Variants in ESRRG observed in about 807,000 individuals in gnomAD.
ESRRG encodes estrogen related receptor gamma.
A neutral mutation model predicts 44.0 loss-of-function variants in ESRRG; 13 were observed. The ratio of observed to expected loss-of-function variants is 0.30; its 90% CI spans 0.19 to 0.47. ESRRG has a LOEUF of 0.47. Among genes scored for constraint, ESRRG ranks in the 20% least tolerant of loss-of-function variants. The probability of loss-of-function intolerance (pLI) is 1.00; values close to 1 mark genes in which losing one functional copy is unlikely to be tolerated. For synonymous variants in ESRRG, 215 were observed against 214.6 expected, an observed-to-expected ratio of 1.00 and a Z score of -0.02; for missense variants, 395 against 580.6, an observed-to-expected ratio of 0.68 and a Z score of 3.29.
intron 1 of ESRRG, among the ~76,000 whole-genome samples, chr1:216,702,544 C>G (rs1245584394): frequency 4.7e-5 from 7 of 149,940 alleles, no homozygotes; most frequent in Non-Finnish European, 1.0e-4. Flanking sequence ...GGGTGGATCA[C>G]TTGAGGTCAG....
chr1:216,885,901 G>T (rs920287044), intron 2 of ESRRG, among the ~76,000 whole-genome samples: 3 of 151,186 alleles, frequency 2.0e-5, no homozygotes, highest in African/African-American at 7.3e-5. Context: ...ACCACTACTC[G>T]TTAAGGCCAA....
At chr1:217,125,493 T>G (rs1202442583) in intron 1 of ESRRG, among the ~76,000 whole-genome samples, 1 of 152,232 alleles carries the variant, frequency 6.6e-6, no homozygotes, top group African/African-American at 2.4e-5. Context: ...CTCCATAGAT[T>G]GTGAGTTGGT....
intron 3 of ESRRG, among the ~76,000 whole-genome samples, chr1:216,591,528 A>G (rs949048542): frequency 6.6e-6 from 1 of 152,208 alleles, no homozygotes; most frequent in African/African-American, 2.4e-5. Flanking sequence ...AAAACATTCA[A>G]AAACAATAAC....
At chr1:216,693,909 G>A (rs1398433847) in intron 1 of ESRRG, among the ~76,000 whole-genome samples, 2 of 152,194 alleles carry the variant, frequency 1.3e-5, no homozygotes, top group Non-Finnish European at 2.9e-5. Context: ...AAAAAAAGTT[G>A]TGGACTTTAA....
At chr1:216,899,701 C>G (rs372670909) in intron 2 of ESRRG, among the ~76,000 whole-genome samples, 1 of 152,140 alleles carries the variant, frequency 6.6e-6, no homozygotes, top group Non-Finnish European at 1.5e-5. Flanking sequence ...AGATCTCACA[C>G]GGCACATACA....
intron 2 of ESRRG, chr1:216,863,245 A>G (rs1359204975): frequency 6.6e-6 from 1 of 152,170 alleles, no homozygotes; most frequent in Non-Finnish European, 1.5e-5. Flanking sequence ...CCACACTTTT[A>G]GAATCACTGA....
intron 1 of ESRRG, among the ~76,000 whole-genome samples, chr1:216,949,866 G>T (rs1560227009): frequency 6.6e-6 from 1 of 150,422 alleles, no homozygotes; most frequent in Non-Finnish European, 1.5e-5. Context: ...AGGCTGGAGT[G>T]CAGTGGTGCC....
At chr1:216,606,481 G>A (rs772220564) in intron 3 of ESRRG, among the ~76,000 whole-genome samples, 4 of 152,108 alleles carry the variant, frequency 2.6e-5, no homozygotes, top group Non-Finnish European at 5.9e-5. Flanking sequence ...AAATTGGCCA[G>A]AGATTAAATC....
chr1:216,956,232 G>A (rs971854342), intron 1 of ESRRG, among the ~76,000 whole-genome samples: 1 of 151,552 alleles, frequency 6.6e-6, no homozygotes, highest in African/African-American at 2.4e-5. Context: ...GCGAGGGATA[G>A]GGATACAGTT....
At position 217,126,524 on chromosome 1, in the gene ESRRG, C is replaced by A. The variant is rs2102518906; in HGVS notation, c.-230+11143G>T. ...CCATGTTTATGGAAATATTGTTGGC[C>A]AAATCATGGTGAGGGTCAAGCTATA... On this transcript the variant is annotated intron_variant, in intron 1 of 8. Transcript: ENST00000366940. 2.0e-5 allele frequency among the ~76,000 whole-genome samples: 3 copies of A among 152,054 alleles called. No homozygotes were observed. The Middle Eastern group carries it at 0.01, about 517-fold the overall frequency.
At position 216,692,556 on chromosome 1, in the gene ESRRG, C is replaced by T. The variant is rs79379444; in HGVS notation, c.57-15065G>A. Among the ~76,000 whole-genome samples the T allele has an allele frequency of 9.5e-3, 1,451 of 152,084 alleles. 19 individuals carry two copies. Among genetic ancestry groups the T allele is most frequent in the African/African-American group, 0.033 (1,373 of 41,472 alleles). ...TTACAGTAAGCTAGGGCTAATTTAC[C>T]AGTGAACAAAGAAAATTTTTAAATA... On this transcript the variant is annotated intron_variant, in intron 1 of 6. Transcript: ENST00000408911.
intron 1 of ESRRG, among the ~76,000 whole-genome samples, chr1:216,704,620 TA>T (rs886225061): frequency 1.3e-5 from 2 of 151,652 alleles, no homozygotes; most frequent in African/African-American, 2.4e-5. Context: ...GAGGAAATAT[TA>T]AAAAAAAATT....
chr1:217,018,285 T>C (rs1283987264), intron 1 of ESRRG, among the ~76,000 whole-genome samples: 1 of 152,116 alleles, frequency 6.6e-6, no homozygotes, highest in Non-Finnish European at 1.5e-5. Context: ...AGGACAAGTT[T>C]TCAAGCATAA....
At chr1:216,974,458 G>T (rs2072435614) in intron 1 of ESRRG, among the ~76,000 whole-genome samples, 1 of 151,904 alleles carries the variant, frequency 6.6e-6, no homozygotes, top group Non-Finnish European at 1.5e-5. Context: ...TTCCAAAGGG[G>T]AAAAAAATAG....
chr1:216,513,675 T>G (rs2148822208), intron 6 of ESRRG, among the ~76,000 whole-genome samples: 1 of 152,272 alleles, frequency 6.6e-6, no homozygotes, highest in Middle Eastern at 3.4e-3. Flanking sequence ...AAGTCCCAAA[T>G]TACTATTAAT....
intron 2 of ESRRG, among the ~76,000 whole-genome samples, chr1:216,658,513 T>C (rs564650316): frequency 6.6e-6 from 1 of 151,834 alleles, no homozygotes; most frequent in East Asian, 1.9e-4. Context: ...GAGGAATGTG[T>C]GATAGGAGGG....
At chr1:216,724,795 A>G (rs1487715341), upstream of ESRRG, among the ~76,000 whole-genome samples, 1 of 152,178 alleles carries the variant, frequency 6.6e-6, no homozygotes, top group African/African-American at 2.4e-5. Context: ...ATTTTAATCT[A>G]CAGGATTTTT....
chr1:216,628,254 C>T (rs1326222621), intron 3 of ESRRG, among the ~76,000 whole-genome samples: 1 of 152,084 alleles, frequency 6.6e-6, no homozygotes, highest in African/African-American at 2.4e-5. Context: ...TTTATTTGTT[C>T]ATCCATTCAT....
intron 1 of ESRRG, among the ~76,000 whole-genome samples, chr1:217,098,213 C>T (rs2092453530): frequency 6.6e-6 from 1 of 152,080 alleles, no homozygotes; most frequent in Non-Finnish European, 1.5e-5. Flanking sequence ...TTCAACCCTC[C>T]ATCAGCAAGC....
Sources: gnomAD v4.1 joint callset for allele counts (sites outside exome capture counted in the v4.1 genomes callset) on GRCh38, gnomAD v4.1.1 for gene constraint, MANE v1.5 for transcripts, NCBI Gene and HGNC (gene_info 2026-07-23, HGNC 2026-07-21) for gene names.